The following PDZD2 variants were observed in gnomAD, a reference collection of about 807,000 sequenced individuals.
PDZD2 encodes PDZ domain-containing protein 2.
In PDZD2, 90 loss-of-function variants were observed where a neutral mutation model predicts 220.7. The ratio of observed to expected loss-of-function variants is 0.41; its 90% CI spans 0.34 to 0.49. The LOEUF is 0.49. Among genes scored for constraint, PDZD2 ranks in the 20% least tolerant of loss-of-function variants. The probability of loss-of-function intolerance (pLI) is 0.28; values close to 1 mark genes in which losing one functional copy is unlikely to be tolerated. For synonymous variants in PDZD2, 1,375 were observed against 1,450.5 expected (o/e 0.95, Z 1.18); for missense variants, 3,174 against 3,608.5 (o/e 0.88, Z 3.08).
intron 1 of PDZD2, among the ~76,000 whole-genome samples, chr5:31,666,454 CTTTTGCGATTAT>C (rs1205785487): frequency 6.6e-6 from 1 of 152,222 alleles, no homozygotes; most frequent in African/African-American, 2.4e-5. Context: ...GGGAAAGCGC[CTTTTGCGATTAT>C]TTTGACAAGT....
chr5:31,733,620 C>T (rs1327591997), intron 1 of PDZD2, among the ~76,000 whole-genome samples: 7 of 152,142 alleles, frequency 4.6e-5, no homozygotes, highest in East Asian at 1.9e-4. Context: ...CAAGCTGGTA[C>T]GATAGAAGCT....
Position 31,791,765 on chromosome 5 carries a change from A to G in PDZD2, c.-360-7124A>G, listed in dbSNP as rs555352039. 1.5e-3 allele frequency among the ~76,000 whole-genome samples: 235 copies of G among 152,074 alleles called. 1 individual carries two copies. The highest frequency in any genetic ancestry group is 2.7e-3 in the Non-Finnish European group (181 of 68,014). On this transcript the variant is annotated intron_variant, in intron 1 of 24. Transcript: ENST00000438447. Reference sequence around the variant, plus strand: ...TTCACATTGAACAGCTAGGGTCAACACTTTCCAGTCCGCAACTTTCAAGTC... The same window carrying G: ...TTCACATTGAACAGCTAGGGTCAACGCTTTCCAGTCCGCAACTTTCAAGTC...
intron 1 of PDZD2, among the ~76,000 whole-genome samples, chr5:31,648,767 C>CAG (rs1284609808): frequency 3.3e-5 from 5 of 151,846 alleles, no homozygotes; most frequent in Admixed American, 6.6e-5. Flanking sequence ...CCTACACATG[C>CAG]AGAGCCTCCA....
intron 2 of PDZD2, among the ~76,000 whole-genome samples, chr5:31,800,051 T>C (rs779985744): frequency 2.0e-5 from 3 of 151,986 alleles, no homozygotes; most frequent in Non-Finnish European, 4.4e-5. Context: ...CTCGAGCATA[T>C]TTCTGTTTTC....
intron 9 of PDZD2, 78 bp downstream of exon 9, chr5:32,052,808 GT>G (rs1228200694): frequency 6.8e-7 from 1 of 1,461,918 alleles, no homozygotes; most frequent in Non-Finnish European, 9.5e-7. Flanking sequence ...TATTTTATTT[GT>G]TTTTGTGTTT....
At chr5:31,904,430 A>C (rs932956110) in intron 2 of PDZD2, among the ~76,000 whole-genome samples, 1 of 152,232 alleles carries the variant, frequency 6.6e-6, no homozygotes, top group Admixed American at 6.5e-5. Flanking sequence ...ATTCCAATAC[A>C]TTGCCTGAGA....
chr5:32,064,437 T>C (rs1581406616), intron 14 of PDZD2, among the ~76,000 whole-genome samples: 1 of 152,014 alleles, frequency 6.6e-6, no homozygotes, highest in East Asian at 2.0e-4. Context: ...GAGATGGGGT[T>C]TCACCATGTT....
intron 2 of PDZD2, among the ~76,000 whole-genome samples, chr5:31,857,452 C>T (rs1758558412): frequency 6.6e-6 from 1 of 152,154 alleles, no homozygotes. Flanking sequence ...AGAAAGAGGA[C>T]ATGGGAGGCA....
intron 2 of PDZD2, among the ~76,000 whole-genome samples, chr5:31,955,044 C>T (rs373490738): frequency 4.6e-5 from 7 of 152,166 alleles, no homozygotes; most frequent in African/African-American, 9.6e-5. Context: ...CCCCAAGCCC[C>T]GTACCCTGTG....
intron 2 of PDZD2, among the ~76,000 whole-genome samples, chr5:31,849,170 T>C (rs183953710): frequency 2.6e-5 from 4 of 152,326 alleles, no homozygotes; most frequent in Admixed American, 2.6e-4. Context: ...GCATGAATGC[T>C]TCTTTTTGCA....
At chr5:32,072,466 C>G (rs887882407) in intron 17 of PDZD2, 149 bp downstream of exon 17, 5 of 648,952 alleles carry the variant, frequency 7.7e-6, no homozygotes, top group Non-Finnish European at 1.3e-5. Context: ...CGCGGTGGCT[C>G]ACGCCTGTAA....
intron 2 of PDZD2, among the ~76,000 whole-genome samples, chr5:31,902,590 C>T (rs1742202617): frequency 6.7e-6 from 1 of 149,786 alleles, no homozygotes; most frequent in South Asian, 2.1e-4. Flanking sequence ...TTGAGCAATT[C>T]TCCAGCCTCA....
intron 1 of PDZD2, among the ~76,000 whole-genome samples, chr5:31,655,452 C>T (rs974619947): frequency 1.3e-5 from 2 of 152,062 alleles, no homozygotes; most frequent in Non-Finnish European, 2.9e-5. Context: ...ATTACAGGCA[C>T]GAGCCACTGC....
At chr5:31,883,216 C>CT (rs58100064) in intron 2 of PDZD2, among the ~76,000 whole-genome samples, 30,142 of 94,552 alleles carry the variant, frequency 0.32, 6,590 homozygotes, top group South Asian at 0.43. Context: ...AGCATGCTAC[C>CT]TTTTTTTTTT....
chr5:32,023,187 T>C (rs1419339096), intron 6 of PDZD2, among the ~76,000 whole-genome samples: 1 of 151,230 alleles, frequency 6.6e-6, no homozygotes, highest in East Asian at 1.9e-4. Context: ...ATATTTTGAA[T>C]GGGTTTCTAT....
At chr5:31,857,741 C>T (rs1758580736) in intron 2 of PDZD2, among the ~76,000 whole-genome samples, 1 of 152,262 alleles carries the variant, frequency 6.6e-6, no homozygotes, top group Non-Finnish European at 1.5e-5. Context: ...ACTAGGCTTC[C>T]AGTGGGCTTT....
At chr5:31,999,191 G>A (rs1448962555) in intron 4 of PDZD2, among the ~76,000 whole-genome samples, 3 of 147,440 alleles carry the variant, frequency 2.0e-5, no homozygotes. Context: ...GCCCAGGTCT[G>A]ATACCTGCAG....
intron 10 of PDZD2, 100 bp downstream of exon 10, chr5:32,053,983 C>T: frequency 1.4e-6 from 1 of 731,892 alleles, no homozygotes; most frequent in Non-Finnish European, 2.5e-6. Context: ...ACCTAGTAGA[C>T]CTCGGCGGAA....
intron 1 of PDZD2, among the ~76,000 whole-genome samples, chr5:31,640,712 C>G (rs535334721): frequency 6.6e-6 from 1 of 152,018 alleles, no homozygotes; most frequent in Non-Finnish European, 1.5e-5. Context: ...AGTGGGAGTG[C>G]TGCTTGTGGG....
Sources: allele counts gnomAD v4.1 joint callset (sites outside exome capture counted in the v4.1 genomes callset), GRCh38; gene constraint gnomAD v4.1.1; transcripts MANE v1.5; gene names NCBI Gene and HGNC (gene_info 2026-07-23, HGNC 2026-07-21).